The following ITPK1 variants were observed in gnomAD, a reference collection of about 807,000 sequenced individuals.
The protein encoded by ITPK1 is inositol 1,3,4-trisphosphate 5/6-kinase.
Under a neutral mutation model 45.3 loss-of-function variants are expected in ITPK1, and 21 were observed. The ratio of observed to expected loss-of-function variants is 0.46; its 90% CI spans 0.33 to 0.67. The LOEUF (loss-of-function observed/expected upper bound fraction) is 0.67, where lower values mean the gene tolerates loss of function less well. Ranked by LOEUF, ITPK1 falls within the 30% of genes least tolerant of loss-of-function variation. ITPK1 has a pLI of 0.02. For synonymous variants in ITPK1, 258 were observed against 253.6 expected (o/e 1.02, Z -0.16); for missense variants, 474 against 573.5 (o/e 0.83, Z 1.77).
At chr14:93,020,589 T>C (rs1888415226) in intron 3 of ITPK1, among the ~76,000 whole-genome samples, 1 of 152,182 alleles carries the variant, frequency 6.6e-6, no homozygotes, top group Non-Finnish European at 1.5e-5. Context: ...CCCAGAACCC[T>C]TTGCACGTCG....
Position 92,941,687 on chromosome 14 carries a change from C to A in ITPK1, c.1119G>T (p.Lys373Asn). 6.4e-7 allele frequency: 1 copy of A among 1,551,954 alleles called. No homozygotes were observed. Among genetic ancestry groups the A allele is most frequent in the African/African-American group, 1.4e-5 (1 of 73,606 alleles). Residue 373 changes from lysine to asparagine, a missense_variant, in exon 11 of 11, where the codon AAG becomes AAT. Lys to Asn is a moderately conservative substitution (Grantham distance 94). Transcript: ENST00000267615. ...GSMMGQDAPW[K>N]AEADAGGTAK... ...CGGTGCCGCCCGCGTCGGCCTCAGC[C>A]TTCCAGGGCGCGTCCTGGCCCATCA...
rs796811096 is a variant in ITPK1 at position 93,076,289 on chromosome 14, G to GC, written c.120+305dup. On this transcript the variant is annotated intron_variant, in intron 3 of 10. Coordinates refer to ENST00000267615, the MANE Select transcript of ITPK1 (RefSeq NM_014216.6). The surrounding 1 kb of genome is among the most constrained non-coding windows in gnomAD (Gnocchi z 4.3). The stretch of plus-strand genomic sequence containing the variant: ...CTGGACATCTAGCTGGGTGCCTACT[G>GC]CCCCCTCACCCTTCCCACACCCACC... 1.3e-5 allele frequency among the ~76,000 whole-genome samples: 2 copies of GC among 152,046 alleles called. No individual in the cohort carries two copies. The highest frequency in any genetic ancestry group is 4.8e-5 in the African/African-American group (2 of 41,456).
At chr14:92,953,654 G>A (rs1325949522) in intron 8 of ITPK1, among the ~76,000 whole-genome samples, 1 of 152,202 alleles carries the variant, frequency 6.6e-6, no homozygotes, top group East Asian at 1.9e-4. Flanking sequence ...GGGAGGAAGG[G>A]CCACCAAGCG....
At chr14:92,985,592 G>A (rs941657847) in intron 5 of ITPK1, among the ~76,000 whole-genome samples, 20 of 151,944 alleles carry the variant, frequency 1.3e-4, no homozygotes, top group African/African-American at 4.8e-4. Context: ...AGACACTCTT[G>A]TTTGGGGAAA....
chr14:92,939,602 C>A lies in ITPK1; in HGVS notation c.*1959G>T, dbSNP rs987372801. The A allele has an allele frequency of 1.9e-5, 16 of 834,488 alleles. No homozygotes were observed. The highest frequency in any genetic ancestry group is 2.3e-5 in the Non-Finnish European group (16 of 692,218). 51.7% of individuals were successfully genotyped at this position (834,488 alleles called of 1,614,324 possible). On this transcript the variant is annotated 3_prime_UTR_variant, in exon 11 of 11. Coordinates refer to ENST00000267615, the MANE Select transcript of ITPK1 (RefSeq NM_014216.6). ...GCACACCCACAGCCCCGCCCCCGCCCCACCACGGAGGCCTATGGACGCCAC... is the reference window on the plus strand; with the variant it reads ...GCACACCCACAGCCCCGCCCCCGCCACACCACGGAGGCCTATGGACGCCAC...
chr14:93,024,811 AC>A (rs1469800197), intron 3 of ITPK1, among the ~76,000 whole-genome samples: 2 of 151,024 alleles, frequency 1.3e-5, no homozygotes, highest in African/African-American at 2.4e-5. Flanking sequence ...CTCCCCCAAC[AC>A]CCCCAGGTCC....
chr14:92,998,039 T>C (rs1346827675), intron 4 of ITPK1, among the ~76,000 whole-genome samples: 1 of 152,182 alleles, frequency 6.6e-6, no homozygotes, highest in African/African-American at 2.4e-5. Context: ...ATTTGCTCCT[T>C]CTAATGGAAA....
At position 92,940,037 on chromosome 14, in the gene ITPK1, A is replaced by C. The variant is rs1030395810; in HGVS notation, c.*1524T>G. On this transcript the variant is annotated 3_prime_UTR_variant, in exon 11 of 11. Coordinates refer to ENST00000267615, the MANE Select transcript of ITPK1 (RefSeq NM_014216.6). ...TAGTTGTTGGGTCCTCAGTTTCCAA[A>C]AAAGCCGGGCAGTTCTGATGGCCTC... 6.4e-5 allele frequency: 63 copies of C among 985,694 alleles called. No individual in the cohort carries two copies. The highest frequency in any genetic ancestry group is 7.2e-5 in the Non-Finnish European group (60 of 829,972). 61.1% of individuals were successfully genotyped at this position (985,694 alleles called of 1,614,324 possible).
chr14:93,017,195 T>C (rs181859192), intron 3 of ITPK1, among the ~76,000 whole-genome samples: 175 of 152,304 alleles, frequency 1.1e-3, no homozygotes, highest in African/African-American at 4.1e-3. Context: ...CTAGGAAAAC[T>C]AGGGTTCCAA....
At chr14:92,973,670 CT>C (rs1437972005) in intron 5 of ITPK1, among the ~76,000 whole-genome samples, 3 of 152,216 alleles carry the variant, frequency 2.0e-5, no homozygotes, top group African/African-American at 7.2e-5. Context: ...ACCCAAATGG[CT>C]TTTTGGCCAG....
intron 2 of ITPK1, among the ~76,000 whole-genome samples, chr14:93,084,666 A>C (rs1293242329): frequency 6.6e-6 from 1 of 152,160 alleles, no homozygotes; most frequent in Non-Finnish European, 1.5e-5. Flanking sequence ...CACAGCCCCA[A>C]ATTCTTAGCA....
chr14:93,084,225 G>A (rs1891563017), intron 2 of ITPK1, among the ~76,000 whole-genome samples: 1 of 152,234 alleles, frequency 6.6e-6, no homozygotes, highest in Non-Finnish European at 1.5e-5. Context: ...ACGAAGCCAG[G>A]CTGGGAACCA....
Position 93,016,001 on chromosome 14 carries a change from T to G in ITPK1, c.246+675A>C, listed in dbSNP as rs2139854457. ...ACTGCACTTTCACTGACAATACAAC[T>G]TTGTTTTTCATGACCTCTGAGCCGC... On this transcript the variant is annotated intron_variant, in intron 4 of 10. Transcript: ENST00000267615. The surrounding 1 kb of genome is among the most constrained non-coding windows in gnomAD (Gnocchi z 5.0). 6.6e-6 allele frequency among the ~76,000 whole-genome samples: 1 copy of G among 152,260 alleles called. No homozygotes were observed.
intron 2 of ITPK1, among the ~76,000 whole-genome samples, chr14:93,111,038 C>T (rs959885632): frequency 6.6e-6 from 1 of 151,970 alleles, no homozygotes; most frequent in African/African-American, 2.4e-5. Flanking sequence ...ATCCCTCATC[C>T]CTCCATCCCT....
At chr14:93,094,110 G>A (rs936839039) in intron 2 of ITPK1, among the ~76,000 whole-genome samples, 1 of 152,232 alleles carries the variant, frequency 6.6e-6, no homozygotes, top group Non-Finnish European at 1.5e-5. Context: ...GTCTAGCAGA[G>A]GTTAGTTAAC....
At chr14:93,060,219 G>T (rs1279799838) in intron 3 of ITPK1, among the ~76,000 whole-genome samples, 1 of 152,122 alleles carries the variant, frequency 6.6e-6, no homozygotes, top group African/African-American at 2.4e-5. Flanking sequence ...CCTCTCTGCT[G>T]CCAGGCTCTA....
chr14:92,951,488 G>C (rs966719483), intron 9 of ITPK1, among the ~76,000 whole-genome samples: 2 of 152,180 alleles, frequency 1.3e-5, no homozygotes, highest in African/African-American at 4.8e-5. Flanking sequence ...CGGCCAGAAC[G>C]CCCGTTACCC....
chr14:93,084,972 T>C (rs1429231586), intron 2 of ITPK1, among the ~76,000 whole-genome samples: 2 of 152,180 alleles, frequency 1.3e-5, no homozygotes, highest in Non-Finnish European at 2.9e-5. Context: ...AGGCCAAAGA[T>C]GGCTCTTTAT....
intron 2 of ITPK1, among the ~76,000 whole-genome samples, chr14:93,089,217 C>T (rs984583980): frequency 2.0e-5 from 3 of 152,186 alleles, no homozygotes. Flanking sequence ...AGCAGGCCTG[C>T]AGTGAAGGGC....
Sources: allele counts gnomAD v4.1 joint callset (sites outside exome capture counted in the v4.1 genomes callset), GRCh38; gene constraint gnomAD v4.1.1; non-coding constraint Gnocchi (gnomAD v3.1); transcripts MANE v1.5; gene names NCBI Gene and HGNC (gene_info 2026-07-23, HGNC 2026-07-21).